The following GLIS3 variants were observed in gnomAD, a reference collection of about 807,000 sequenced individuals.
The protein encoded by GLIS3 is zinc finger protein GLIS3.
GLIS3 carries 53 observed loss-of-function variants against 78.6 expected under a neutral mutation model. The ratio of observed to expected loss-of-function variants is 0.67; its 90% CI spans 0.54 to 0.85. GLIS3 has a LOEUF of 0.85. Among genes scored for constraint, GLIS3 ranks in the 40% least tolerant of loss-of-function variants. GLIS3 has a pLI of 0.00. For missense variants in GLIS3, 1,703 were observed against 1,231.1 expected (o/e 1.38, Z -5.74); for synonymous variants, 684 against 509.9 (o/e 1.34, Z -4.60).
intron 2 of GLIS3, among the ~76,000 whole-genome samples, chr9:4,316,089 C>T (rs1403153334): frequency 6.6e-6 from 1 of 152,016 alleles, no homozygotes; most frequent in East Asian, 1.9e-4. Context: ...ATATGCTATT[C>T]CCCTTTATGA....
intron 2 of GLIS3, among the ~76,000 whole-genome samples, chr9:4,228,361 C>T (rs567316334): frequency 2.0e-5 from 3 of 152,168 alleles, no homozygotes; most frequent in Admixed American, 6.5e-5. Context: ...GCTGTCCATG[C>T]GAATGTAACA....
intron 8 of GLIS3, among the ~76,000 whole-genome samples, chr9:3,871,510 C>G (rs1307869177): frequency 2.0e-5 from 3 of 152,224 alleles, no homozygotes; most frequent in African/African-American, 7.2e-5. Flanking sequence ...CTTCTGAAAT[C>G]TAGACAGACG....
chr9:3,951,418 T>C (rs1383885590), intron 4 of GLIS3, among the ~76,000 whole-genome samples: 1 of 148,926 alleles, frequency 6.7e-6, no homozygotes, highest in Non-Finnish European at 1.5e-5. Flanking sequence ...AAGCAAGGCA[T>C]CCATGAGCTA....
At chr9:4,380,433 T>C in the GLIS3 span, among the ~76,000 whole-genome samples, 2 of 152,232 alleles carry the variant, frequency 1.3e-5, no homozygotes, top group Non-Finnish European at 2.9e-5. Context: ...AACAGAGTAT[T>C]GTTAACAACA....
chr9:4,377,776 A>T, the GLIS3 span, among the ~76,000 whole-genome samples: 1 of 152,198 alleles, frequency 6.6e-6, no homozygotes, highest in African/African-American at 2.4e-5. Context: ...CAATAATCTG[A>T]AAGTTGCACT....
intron 2 of GLIS3, among the ~76,000 whole-genome samples, chr9:4,133,825 TAC>T (rs138728219): frequency 0.019 from 2,265 of 121,690 alleles, 52 homozygotes; most frequent in East Asian, 0.081. Flanking sequence ...CAAGACCTTC[TAC>T]ACACACACAC....
At chr9:4,367,067 G>A in the GLIS3 span, among the ~76,000 whole-genome samples, 15 of 152,266 alleles carry the variant, frequency 9.9e-5, no homozygotes, top group East Asian at 2.7e-3. Flanking sequence ...CCTTTCCAGA[G>A]AGCTAATATT....
chr9:4,447,139 C>G, the GLIS3 span, among the ~76,000 whole-genome samples: 2 of 152,044 alleles, frequency 1.3e-5, no homozygotes, highest in African/African-American at 4.8e-5. Context: ...CATCAAACTC[C>G]TGGGCTCAAA....
At chr9:3,912,703 A>C (rs1365949956) in intron 6 of GLIS3, among the ~76,000 whole-genome samples, 2 of 152,210 alleles carry the variant, frequency 1.3e-5, no homozygotes, top group African/African-American at 2.4e-5. Flanking sequence ...GACACACTCA[A>C]AGGTGAATTC....
intron 2 of GLIS3, among the ~76,000 whole-genome samples, chr9:4,237,398 CTATAA>C (rs752348009): frequency 6.6e-6 from 1 of 151,960 alleles, no homozygotes; most frequent in Non-Finnish European, 1.5e-5. Context: ...AGAATTAAGT[CTATAA>C]TATAACTACA....
At chr9:4,158,413 G>A (rs1372621825) in intron 2 of GLIS3, among the ~76,000 whole-genome samples, 2 of 152,160 alleles carry the variant, frequency 1.3e-5, no homozygotes, top group African/African-American at 4.8e-5. Context: ...TGAATACCAC[G>A]ATGAAGTGGG....
chr9:4,435,668 G>C, the GLIS3 span, among the ~76,000 whole-genome samples: 2 of 152,186 alleles, frequency 1.3e-5, no homozygotes, highest in Non-Finnish European at 2.9e-5. Flanking sequence ...TCTTCCCCTA[G>C]GCCAGGCGCG....
chr9:4,117,695 T>A (rs1831772303), intron 4 of GLIS3, 73 bp downstream of exon 4: 1 of 1,575,336 alleles, frequency 6.3e-7, no homozygotes, highest in Non-Finnish European at 8.7e-7. Context: ...TGGGCCGAGT[T>A]AGGAAAAAAC....
chr9:4,212,727 G>C (rs539988229), intron 2 of GLIS3, among the ~76,000 whole-genome samples: 2 of 152,352 alleles, frequency 1.3e-5, no homozygotes, highest in Admixed American at 6.5e-5. Flanking sequence ...AGAGGCAAGA[G>C]AGATAGAACA....
chr9:4,284,220 G>A (rs966494757), intron 2 of GLIS3, among the ~76,000 whole-genome samples: 14 of 152,138 alleles, frequency 9.2e-5, no homozygotes, highest in African/African-American at 1.7e-4. Flanking sequence ...TGCTGTTTGA[G>A]GAATAACTGA....
intron 2 of GLIS3, among the ~76,000 whole-genome samples, chr9:4,277,654 G>A (rs989679893): frequency 1.3e-5 from 2 of 152,150 alleles, no homozygotes; most frequent in Admixed American, 1.3e-4. Context: ...GCAGAGCCCA[G>A]CAAGAAATGT....
chr9:4,050,247 C>G (rs1474844313), intron 4 of GLIS3, among the ~76,000 whole-genome samples: 2 of 152,170 alleles, frequency 1.3e-5, no homozygotes, highest in East Asian at 3.8e-4. Context: ...CACATATACC[C>G]CATGGAATAC....
intron 7 of GLIS3, among the ~76,000 whole-genome samples, chr9:3,879,931 C>T (rs980015859): frequency 2.6e-5 from 4 of 152,062 alleles, no homozygotes; most frequent in African/African-American, 9.7e-5. Flanking sequence ...TAGCACTTTT[C>T]AGTCACAGGG....
the GLIS3 span, among the ~76,000 whole-genome samples, chr9:4,400,031 G>A: frequency 1.9e-4 from 29 of 152,278 alleles, no homozygotes; most frequent in South Asian, 5.8e-3. Context: ...AAGGCCACAG[G>A]GCAAGCAGGA....
Sources: gnomAD v4.1 joint callset for allele counts (sites outside exome capture counted in the v4.1 genomes callset) on GRCh38, gnomAD v4.1.1 for gene constraint, MANE v1.5 for transcripts, NCBI Gene and HGNC (gene_info 2026-07-23, HGNC 2026-07-21) for gene names.